Variants in FUT8 observed in about 807,000 individuals in gnomAD.
FUT8 encodes the protein fucosyltransferase 8.
FUT8 carries 29 observed loss-of-function variants against 71.3 expected under a neutral mutation model. The ratio of observed to expected loss-of-function variants is 0.41; its 90% CI spans 0.30 to 0.55. The LOEUF is 0.55. FUT8 is among the 20% of genes least tolerant of loss of function. The probability of loss-of-function intolerance (pLI) is 0.34; values close to 1 mark genes in which losing one functional copy is unlikely to be tolerated. For synonymous variants in FUT8, 254 were observed against 239.3 expected, an observed-to-expected ratio of 1.06 and a Z score of -0.57; for missense variants, 544 against 702.1, an observed-to-expected ratio of 0.77 and a Z score of 2.55.
chr14:65,402,606 C>T, the FUT8 span, among the ~76,000 whole-genome samples: 1 of 152,084 alleles, frequency 6.6e-6, no homozygotes, highest in East Asian at 1.9e-4. Flanking sequence ...AGGCGGCTTG[C>T]AGTGAGCCGA....
chr14:65,714,661 A>T (rs1894968375), intron 7 of FUT8, among the ~76,000 whole-genome samples: 1 of 151,904 alleles, frequency 6.6e-6, no homozygotes, highest in Non-Finnish European at 1.5e-5. Flanking sequence ...GAATCTGTAG[A>T]TTGCTTTGGA....
At chr14:65,552,323 T>C (rs562357083) in intron 2 of FUT8, among the ~76,000 whole-genome samples, 1 of 152,280 alleles carries the variant, frequency 6.6e-6, no homozygotes, top group Non-Finnish European at 1.5e-5. Context: ...GATTTGTGTC[T>C]GTCTTGTTCA....
intron 3 of FUT8, among the ~76,000 whole-genome samples, chr14:65,578,762 C>G (rs192820402): frequency 5.9e-5 from 9 of 152,154 alleles, no homozygotes; most frequent in Non-Finnish European, 1.0e-4. Context: ...AAATAGATTT[C>G]AATATATGTA....
intron 7 of FUT8, among the ~76,000 whole-genome samples, chr14:65,693,513 G>A (rs1893823478): frequency 1.3e-5 from 2 of 152,196 alleles, no homozygotes; most frequent in South Asian, 4.1e-4. Context: ...TGGAAAGAGA[G>A]GGAGAGGGAG....
chr14:65,726,295 G>C (rs1895683679), intron 9 of FUT8, among the ~76,000 whole-genome samples: 2 of 152,300 alleles, frequency 1.3e-5, no homozygotes, highest in South Asian at 4.1e-4. Flanking sequence ...ATTAATTCAT[G>C]CTCACTTAAA....
In FUT8 at chr14:65,708,861, TGGGGAAA is replaced by T. The variant is rs2140506762; in HGVS notation, c.836-12911_836-12905del. Among the ~76,000 whole-genome samples the T allele has an allele frequency of 1.3e-5, 2 of 152,030 alleles. 1 individual carries two copies. The highest frequency in any genetic ancestry group is 4.2e-4 in the South Asian group (2 of 4,812). ...GGTCGGGGGATGGTGTGGGAGGGGATGGGGAAAGGAGAGATGTTGATGAAAGGGTACA... is the reference window on the plus strand; with the variant it reads ...GGTCGGGGGATGGTGTGGGAGGGGATGGAGAGATGTTGATGAAAGGGTACA... On this transcript the variant is annotated intron_variant, in intron 7 of 10. Coordinates refer to ENST00000673929, the MANE Select transcript of FUT8 (RefSeq NM_001371533.1).
At chr14:65,377,777 C>T in the FUT8 span, among the ~76,000 whole-genome samples, 1 of 151,548 alleles carries the variant, frequency 6.6e-6, no homozygotes, top group African/African-American at 2.4e-5. Flanking sequence ...CTGGTATGCC[C>T]CTCCCACCGA....
intron 2 of FUT8, among the ~76,000 whole-genome samples, chr14:65,524,525 AC>A (rs1883311368): frequency 6.6e-6 from 1 of 152,170 alleles, no homozygotes; most frequent in South Asian, 2.1e-4. Flanking sequence ...GCAAACAGGG[AC>A]AATTTGACTT....
At chr14:65,584,682 T>A (rs1887279997) in intron 3 of FUT8, among the ~76,000 whole-genome samples, 2 of 152,380 alleles carry the variant, frequency 1.3e-5, no homozygotes, top group South Asian at 4.1e-4. Flanking sequence ...CAAGTTCTAA[T>A]ATTTTAATGC....
intron 3 of FUT8, among the ~76,000 whole-genome samples, chr14:65,581,079 C>T (rs1887065871): frequency 6.6e-6 from 1 of 152,058 alleles, no homozygotes; most frequent in Admixed American, 6.6e-5. Flanking sequence ...ATAAAGCTTA[C>T]TGAACAGCTT....
chr14:65,523,930 A>G (rs893826409), intron 2 of FUT8, among the ~76,000 whole-genome samples: 46 of 152,142 alleles, frequency 3.0e-4, no homozygotes, highest in Non-Finnish European at 1.2e-4. Flanking sequence ...CCATTGATCT[A>G]TATCTCTGTT....
At chr14:65,633,473 G>C (rs1364553729) in intron 6 of FUT8, among the ~76,000 whole-genome samples, 1 of 152,154 alleles carries the variant, frequency 6.6e-6, no homozygotes, top group Non-Finnish European at 1.5e-5. Context: ...CCTCTGCCTG[G>C]CTGCCCAGTC....
chr14:65,401,217 G>A, the FUT8 span, among the ~76,000 whole-genome samples: 1 of 152,186 alleles, frequency 6.6e-6, no homozygotes, highest in African/African-American at 2.4e-5. Context: ...ATAGAAGGAG[G>A]GAATGGTAAG....
intron 1 of FUT8, among the ~76,000 whole-genome samples, chr14:65,414,708 A>G (rs1347999949): frequency 6.6e-6 from 1 of 152,230 alleles, no homozygotes; most frequent in Non-Finnish European, 1.5e-5. Flanking sequence ...TAGTTCCAAG[A>G]CATGGATTTT....
At chr14:65,605,719 A>G (rs546329024) in intron 3 of FUT8, among the ~76,000 whole-genome samples, 12 of 152,058 alleles carry the variant, frequency 7.9e-5, no homozygotes, top group Non-Finnish European at 1.6e-4. Flanking sequence ...GCCCTTAAAA[A>G]CAAATTAATA....
At chr14:65,693,128 C>G (rs1216093730) in intron 7 of FUT8, among the ~76,000 whole-genome samples, 1 of 152,254 alleles carries the variant, frequency 6.6e-6, no homozygotes, top group Non-Finnish European at 1.5e-5. Flanking sequence ...AGGCTGCAAT[C>G]TCGGCACTTT....
intron 10 of FUT8, among the ~76,000 whole-genome samples, chr14:65,741,892 T>C (rs1896523307): frequency 6.6e-6 from 1 of 151,982 alleles, no homozygotes. Flanking sequence ...TTTTCTTCTT[T>C]ATTTGAAAAA....
chr14:65,689,538 G>A (rs1893470787), intron 7 of FUT8, among the ~76,000 whole-genome samples: 1 of 152,006 alleles, frequency 6.6e-6, no homozygotes, highest in African/African-American at 2.4e-5. Flanking sequence ...TTGTTTGTTT[G>A]TTTGTTTTTT....
the FUT8 span, among the ~76,000 whole-genome samples, chr14:65,404,017 C>A: frequency 6.6e-6 from 1 of 151,818 alleles, no homozygotes; most frequent in African/African-American, 2.4e-5. Flanking sequence ...CCTGCCTCAA[C>A]CTCTTGAGTA....
Sources: gnomAD v4.1 joint callset for allele counts (sites outside exome capture counted in the v4.1 genomes callset) on GRCh38, gnomAD v4.1.1 for gene constraint, MANE v1.5 for transcripts, NCBI Gene and HGNC (gene_info 2026-07-23, HGNC 2026-07-21) for gene names.